The following SLC43A2 variants were observed in gnomAD, a reference collection of about 807,000 sequenced individuals.
SLC43A2 encodes the protein large neutral amino acids transporter small subunit 4.
SLC43A2 carries 38 observed loss-of-function variants against 63.2 expected under a neutral mutation model. The ratio of observed to expected loss-of-function variants is 0.60; its 90% confidence interval spans 0.46 to 0.79. SLC43A2 has a LOEUF of 0.79. Ranked by LOEUF, SLC43A2 falls within the 30% of genes least tolerant of loss-of-function variation. The probability of loss-of-function intolerance (pLI) is 0.00; values close to 1 mark genes in which losing one functional copy is unlikely to be tolerated. For synonymous variants in SLC43A2, 322 were observed against 331.0 expected (o/e 0.97, Z 0.30); for missense variants, 644 against 756.2 (o/e 0.85, Z 1.74).
chr17:1,608,372 G>A (rs1001752280), intron 5 of SLC43A2, among the ~76,000 whole-genome samples: 4 of 151,924 alleles, frequency 2.6e-5, no homozygotes, highest in Admixed American at 6.6e-5. Flanking sequence ...GAATAGAAAC[G>A]CTCCTGCCAC....
intron 11 of SLC43A2, among the ~76,000 whole-genome samples, chr17:1,582,389 G>A (rs967621762): frequency 4.6e-5 from 7 of 152,196 alleles, no homozygotes; most frequent in African/African-American, 1.4e-4. Flanking sequence ...TGAAGCTTTT[G>A]AATCCAGATA....
chr17:1,586,935 C>T (rs781528588), intron 9 of SLC43A2: 9 of 1,509,032 alleles, frequency 6.0e-6, no homozygotes, highest in Middle Eastern at 1.7e-4. Flanking sequence ...CAATCCCCCC[C>T]ACCCCCCGCT....
chr17:1,614,666 C>A (rs762813100), intron 4 of SLC43A2, among the ~76,000 whole-genome samples: 22 of 152,092 alleles, frequency 1.4e-4, no homozygotes, highest in Non-Finnish European at 2.8e-4. Flanking sequence ...CTGCACACAC[C>A]GATGACCATG....
intron 2 of SLC43A2, among the ~76,000 whole-genome samples, chr17:1,618,476 G>GCTCCGGCGGGGAATCACGGCAC (rs1907876427): frequency 6.6e-6 from 1 of 152,234 alleles, no homozygotes; most frequent in African/African-American, 2.4e-5. Context: ...GCTATTGGAG[G>GCTCCGGCGGGGAATCACGGCAC]CTCCGGCGGG....
At chr17:1,587,429 G>C (rs1234287078) in intron 9 of SLC43A2, among the ~76,000 whole-genome samples, 1 of 152,230 alleles carries the variant, frequency 6.6e-6, no homozygotes, top group Non-Finnish European at 1.5e-5. Flanking sequence ...CCCAGCCAAG[G>C]CATCTGACAC....
chr17:1,609,347 G>A (rs1212388038), intron 5 of SLC43A2, among the ~76,000 whole-genome samples: 3 of 152,028 alleles, frequency 2.0e-5, no homozygotes, highest in East Asian at 3.9e-4. Flanking sequence ...GATTACAGGC[G>A]CCCTCCACCA....
At chr17:1,586,234 G>C (rs137939836) in intron 9 of SLC43A2, among the ~76,000 whole-genome samples, 183 bp from the exon 10 acceptor site, 1 of 152,146 alleles carries the variant, frequency 6.6e-6, no homozygotes, top group Non-Finnish European at 1.5e-5. Context: ...GATGGAGCAC[G>C]GGGCAGGTCA....
chr17:1,587,098 C>CGCACCGCGTTTCCA (rs1555537687), intron 9 of SLC43A2: 2 of 1,047,410 alleles, frequency 1.9e-6, no homozygotes, highest in South Asian at 1.6e-5. Flanking sequence ...CTGCGTTTCC[C>CGCACCGCGTTTCCA]GCACTGCATT....
chr17:1,594,116 C>T lies in SLC43A2; in HGVS notation c.502-837G>A, dbSNP rs539001399. Among the ~76,000 whole-genome samples, 18 of 152,266 alleles carry T rather than the reference C, an allele frequency of 1.2e-4. No individual in the cohort carries two copies. In the East Asian group the frequency reaches 2.9e-3, roughly 24 times the overall value. On this transcript the variant is annotated intron_variant, in intron 5 of 13. Coordinates refer to ENST00000301335, the MANE Select transcript of SLC43A2 (RefSeq NM_152346.3). Reference sequence around the variant, plus strand: ...CTGGGACTACAGGCGTGAGCCACCGCGCCCGGCCTCCTGCTTCTGAATTTC... The same window carrying T: ...CTGGGACTACAGGCGTGAGCCACCGTGCCCGGCCTCCTGCTTCTGAATTTC...
upstream of SLC43A2, among the ~76,000 whole-genome samples, chr17:1,629,893 TCTGA>T (rs796305444): frequency 4.7e-4 from 71 of 152,320 alleles, no homozygotes; most frequent in African/African-American, 1.6e-3. Context: ...GGGAAGACCC[TCTGA>T]CTGCCCCAGA....
Position 1,594,610 on chromosome 17 carries a change from C to T in SLC43A2, c.502-1331G>A, listed in dbSNP as rs190104792. Among the ~76,000 whole-genome samples, 640 of 125,654 alleles carry T rather than the reference C, an allele frequency of 5.1e-3. 24 individuals are homozygous for T. In the East Asian group the frequency reaches 0.074, roughly 15 times the overall value. 82.4% of individuals were successfully genotyped at this position (125,654 alleles called of 152,430 possible). On this transcript the variant is annotated intron_variant, in intron 5 of 13. Transcript: ENST00000301335. Reference sequence around the variant, plus strand: ...TCTTTCTTTTTTTTTTTTTTTGAGACGGAGTCTCGCTCTTTCGCCCAGGCT... The same window carrying T: ...TCTTTCTTTTTTTTTTTTTTTGAGATGGAGTCTCGCTCTTTCGCCCAGGCT...
At chr17:1,585,336 G>C in intron 10 of SLC43A2, 1 of 710,080 alleles carries the variant, frequency 1.4e-6, no homozygotes, top group Non-Finnish European at 1.8e-6. Context: ...CCACCTCCCG[G>C]GTTCAAGCAA....
intron 2 of SLC43A2, among the ~76,000 whole-genome samples, chr17:1,625,032 C>G (rs1474853512): frequency 6.6e-6 from 1 of 152,298 alleles, no homozygotes; most frequent in East Asian, 1.9e-4. Flanking sequence ...TCCCAGAGGC[C>G]AAGAGGACAC....
At position 1,573,223 on chromosome 17, in the gene SLC43A2, C is replaced by T. The variant is rs1759750472; in HGVS notation, c.*2381G>A. On this transcript the variant is annotated 3_prime_UTR_variant, in exon 14 of 14. Coordinates refer to ENST00000301335, the MANE Select transcript of SLC43A2 (RefSeq NM_152346.3). ...AAGGCGGCCTTTTCCCAGCTGGCAG[C>T]ACCCTGGCTAGTTAGGGTTTCTCCG... The T allele has an allele frequency of 6.6e-6, 1 of 150,774 alleles. No individual in the cohort carries two copies. The allele number at this position is 150,774 out of a possible 1,614,324, so 9.3% of individuals were successfully genotyped here.
intron 6 of SLC43A2, 40 bp from the exon 7 acceptor site, chr17:1,591,739 G>GGGGGGGGGGGGGGGGCCC: frequency 2.0e-6 from 1 of 512,310 alleles, no homozygotes; most frequent in Middle Eastern, 6.0e-4. Flanking sequence ...GGGGGAGGGG[G>GGGGGGGGGGGGGGGGCCC]CAGAGTTAGC....
At chr17:1,584,186 C>T (rs1405085509) in intron 10 of SLC43A2, among the ~76,000 whole-genome samples, 1 of 152,132 alleles carries the variant, frequency 6.6e-6, no homozygotes, top group Non-Finnish European at 1.5e-5. Flanking sequence ...AGCCACCGCG[C>T]CCGGCCAAGC....
chr17:1,583,308 G>A lies in SLC43A2; in HGVS notation c.1246C>T (p.Arg416Trp), dbSNP rs1273103077. The A allele has an allele frequency of 9.9e-6, 16 of 1,614,012 alleles. No homozygotes were observed. The highest frequency in any genetic ancestry group is 4.0e-5 in the African/African-American group (3 of 74,924). ...QGEKKKKKRDRQIQKITNAMR... is the reference protein window; with the variant it reads ...QGEKKKKKRDWQIQKITNAMR... ...GCATTAGTGATCTTCTGGATCTGCC[G>A]GTCCCGCTTCTTCTTTTTCTTCTCG... Residue 416 changes from arginine (R) to tryptophan (W), a missense_variant, in exon 11 of 14, where the codon CGG becomes TGG. Coordinates refer to ENST00000301335, the MANE Select transcript of SLC43A2 (RefSeq NM_152346.3). The surrounding 1 kb of genome is among the most constrained non-coding windows in gnomAD (Gnocchi z 5.5).
intron 5 of SLC43A2, among the ~76,000 whole-genome samples, chr17:1,601,968 G>A (rs1352411619): frequency 6.7e-6 from 1 of 150,098 alleles, no homozygotes; most frequent in Non-Finnish European, 1.5e-5. Context: ...CCAATGCAAA[G>A]GCACTATTGA....
chr17:1,576,871 T>TG lies in SLC43A2; in HGVS notation c.1425-152_1425-151insC. 8.1e-6 allele frequency: 8 copies of TG among 985,636 alleles called. No homozygotes were observed. The African/African-American group carries it at 1.3e-4, about 16-fold the overall frequency. 61.1% of individuals were successfully genotyped at this position (985,636 alleles called of 1,614,324 possible). A position where few individuals can be genotyped will look rare whatever the true frequency, so the allele number is the denominator to read the frequency against. On this transcript the variant is annotated intron_variant, in intron 12 of 13. Transcript: ENST00000301335. The stretch of plus-strand genomic sequence containing the variant: ...TCCTGCTGGGCAGTTCTGTTTTTTT[T>TG]TTTTTTTTTTTAAGATGGAGTCTTG...
Sources: allele counts gnomAD v4.1 joint callset (sites outside exome capture counted in the v4.1 genomes callset), GRCh38; gene constraint gnomAD v4.1.1; non-coding constraint Gnocchi (gnomAD v3.1); transcripts MANE v1.5; gene names NCBI Gene and HGNC (gene_info 2026-07-23, HGNC 2026-07-21).